Variants in WASF1 observed in about 807,000 individuals in gnomAD.
WASF1 encodes the protein actin-binding protein WASF1.
Under a neutral mutation model 50.5 loss-of-function variants are expected in WASF1, and 7 were observed. The observed-to-expected ratio is 0.14, with a 90% CI of 0.08 to 0.26. The LOEUF (loss-of-function observed/expected upper bound fraction) is 0.26, where lower values mean the gene tolerates loss of function less well. Among genes scored for constraint, WASF1 ranks in the 10% least tolerant of loss-of-function variants. The probability of loss-of-function intolerance (pLI) is 1.00; values close to 1 mark genes in which losing one functional copy is unlikely to be tolerated. For synonymous variants in WASF1, 205 were observed against 244.0 expected, an observed-to-expected ratio of 0.84 and a Z score of 1.49; for missense variants, 470 against 694.7, an observed-to-expected ratio of 0.68 and a Z score of 3.64.
chr6:110,175,273 A>G (rs1481251167), intron 2 of WASF1, among the ~76,000 whole-genome samples: 1 of 152,178 alleles, frequency 6.6e-6, no homozygotes, highest in South Asian at 2.1e-4. Context: ...ATAGCTCAAA[A>G]TAAGGAAACA....
chr6:110,133,109 G>A (rs1774770306), intron 3 of WASF1, among the ~76,000 whole-genome samples: 1 of 151,920 alleles, frequency 6.6e-6, no homozygotes, highest in Non-Finnish European at 1.5e-5. Context: ...AACATCGTGT[G>A]TTCTCACTCA....
intron 2 of WASF1, among the ~76,000 whole-genome samples, chr6:110,162,846 A>C (rs1007833151): frequency 6.6e-6 from 1 of 151,688 alleles, no homozygotes; most frequent in African/African-American, 2.4e-5. Context: ...GCTAAAGTCA[A>C]GACAAGGAAA....
At chr6:110,119,091 G>C (rs1333793783) in intron 4 of WASF1, among the ~76,000 whole-genome samples, 1 of 152,088 alleles carries the variant, frequency 6.6e-6, no homozygotes, top group African/African-American at 2.4e-5. Flanking sequence ...AGAGAAAGCA[G>C]GAAAGATCTA....
intron 3 of WASF1, among the ~76,000 whole-genome samples, chr6:110,150,936 C>A (rs1775795118): frequency 1.3e-5 from 2 of 152,160 alleles, no homozygotes. Flanking sequence ...ACTTGGGAGG[C>A]TGAGGCAGGA....
intron 2 of WASF1, among the ~76,000 whole-genome samples, chr6:110,177,760 A>G (rs761947582): frequency 3.3e-5 from 5 of 152,160 alleles, no homozygotes; most frequent in Non-Finnish European, 5.9e-5. Context: ...TGCCTCTGCA[A>G]TGCTTATGTG....
At chr6:110,138,011 C>T (rs1465228634) in intron 3 of WASF1, among the ~76,000 whole-genome samples, 2 of 152,246 alleles carry the variant, frequency 1.3e-5, no homozygotes, top group East Asian at 1.9e-4. Flanking sequence ...TTGTTCCGCT[C>T]ACTCAGCCTG....
chr6:110,132,475 G>T (rs1055271122), intron 3 of WASF1, among the ~76,000 whole-genome samples: 1 of 150,998 alleles, frequency 6.6e-6, no homozygotes, highest in South Asian at 2.1e-4. Flanking sequence ...CTGTAATACG[G>T]TTTTTTTTGT....
At chr6:110,102,680 G>C (rs991343427) in intron 9 of WASF1, among the ~76,000 whole-genome samples, 1 of 151,094 alleles carries the variant, frequency 6.6e-6, no homozygotes, top group African/African-American at 2.5e-5. Flanking sequence ...ACCACAAAAA[G>C]AAATTTACAG....
chr6:110,141,429 A>G (rs528112458), intron 3 of WASF1, among the ~76,000 whole-genome samples: 7 of 152,324 alleles, frequency 4.6e-5, no homozygotes, highest in African/African-American at 1.7e-4. Context: ...AGACTCAGGC[A>G]GCAACTCTTT....
At chr6:110,150,018 T>C (rs1298152700) in intron 3 of WASF1, among the ~76,000 whole-genome samples, 1 of 152,136 alleles carries the variant, frequency 6.6e-6, no homozygotes, top group Non-Finnish European at 1.5e-5. Flanking sequence ...TACCTGGCCT[T>C]GTTACTGTAT....
intron 3 of WASF1, among the ~76,000 whole-genome samples, chr6:110,133,266 C>T (rs1377119105): frequency 6.6e-6 from 1 of 152,048 alleles, no homozygotes; most frequent in Non-Finnish European, 1.5e-5. Context: ...TATATACATC[C>T]ATATTTTTGC....
Position 110,103,390 on chromosome 6 carries a change from G to A in WASF1, c.881C>T (p.Pro294Leu), listed in dbSNP as rs1164043130. The A allele has an allele frequency of 1.2e-6, 2 of 1,612,662 alleles. No individual in the cohort carries two copies. The highest frequency in any genetic ancestry group is 1.3e-5 in the African/African-American group (1 of 74,978). Residue 294 changes from proline (P) to leucine (L), a missense_variant, in exon 9 of 11, where the codon CCC becomes CTC. By Grantham distance (98) the Pro-to-Leu change is moderately conservative. This residue lies in a region of WASF1 where 294 missense variants were observed against 343.5 expected (regional missense o/e 0.86). Transcript: ENST00000392589. The part of the protein sequence containing the change: ...MHGAGDAKPI[P>L]TCISSATGLI... ...TGTTCCAACATACCTGATACAGGTG[G>A]GTATCGGTTTTGCATCTCCTGCTCC...
At chr6:110,147,367 T>C (rs1315252951) in intron 3 of WASF1, among the ~76,000 whole-genome samples, 2 of 150,032 alleles carry the variant, frequency 1.3e-5, no homozygotes, top group East Asian at 1.9e-4. Flanking sequence ...AAAAAAATTA[T>C]GTCACCTGAA....
rs149343036 is a variant in WASF1, at chr6:110,110,342, C to T, written c.269-1661G>A. On this transcript the variant is annotated intron_variant, in intron 5 of 10. Coordinates refer to ENST00000392589, the MANE Select transcript of WASF1 (RefSeq NM_003931.3). ...GAGGCTAATCTTTTTGCCACAATAC[C>T]ACACGCTGTTCTCAGGCTCCTGCCA... is the stretch of plus-strand genomic sequence containing the variant. Among the ~76,000 whole-genome samples, 248 of 152,242 alleles carry T rather than the reference C, an allele frequency of 1.6e-3. 2 individuals are homozygous for T. Among genetic ancestry groups the T allele is most frequent in the Middle Eastern group, 6.8e-3 (2 of 294 alleles).
intron 3 of WASF1, among the ~76,000 whole-genome samples, chr6:110,147,482 T>A (rs567052918): frequency 6.6e-6 from 1 of 152,024 alleles, no homozygotes; most frequent in Admixed American, 6.6e-5. Context: ...AGCTACATAC[T>A]CAGCAATTCA....
intron 3 of WASF1, among the ~76,000 whole-genome samples, chr6:110,144,620 C>T (rs1401769894): frequency 2.6e-5 from 4 of 152,042 alleles, no homozygotes; most frequent in African/African-American, 4.8e-5. Context: ...GTCTTTAATC[C>T]ATCTTGAATT....
rs548389029 is a variant in WASF1 at position 110,153,506 on chromosome 6, T to G, written c.-29+7129A>C. Among the ~76,000 whole-genome samples, 102 of 152,318 alleles carry G rather than the reference T, an allele frequency of 6.7e-4. 1 individual carries two copies. Among genetic ancestry groups the G allele is most frequent in the Non-Finnish European group, 1.3e-3 (86 of 68,026 alleles). Reference sequence around the variant, plus strand: ...AAATCAATCTATGTTGATTTCTCACTGTATCCTCACCCAAACTTGGCATTG... The same window carrying G: ...AAATCAATCTATGTTGATTTCTCACGGTATCCTCACCCAAACTTGGCATTG... On this transcript the variant is annotated intron_variant, in intron 3 of 10. Coordinates refer to ENST00000392589, the MANE Select transcript of WASF1 (RefSeq NM_003931.3).
chr6:110,158,624 C>G (rs944407845), intron 3 of WASF1, among the ~76,000 whole-genome samples: 1 of 151,802 alleles, frequency 6.6e-6, no homozygotes, highest in Non-Finnish European at 1.5e-5. Flanking sequence ...AATGAGGAAC[C>G]CTCACATGAG....
chr6:110,147,437 T>C (rs1470037845), intron 3 of WASF1, among the ~76,000 whole-genome samples: 20 of 151,874 alleles, frequency 1.3e-4, no homozygotes, highest in Admixed American at 1.2e-3. Flanking sequence ...AACACATTGC[T>C]AAGCAAACTA....
Sources: allele counts gnomAD v4.1 joint callset (sites outside exome capture counted in the v4.1 genomes callset), GRCh38; gene constraint gnomAD v4.1.1; regional missense constraint gnomAD v4.1.1; transcripts MANE v1.5; gene names NCBI Gene and HGNC (gene_info 2026-07-23, HGNC 2026-07-21).